The following MED15 variants were observed in gnomAD, a reference collection of about 807,000 sequenced individuals.
MED15 encodes mediator complex subunit 15, also known as mediator of RNA polymerase II transcription subunit 15.
Under a neutral mutation model 118.7 loss-of-function variants are expected in MED15, and 41 were observed. That is an observed-to-expected ratio of 0.35 (90% confidence interval 0.27 to 0.45). The LOEUF (loss-of-function observed/expected upper bound fraction) is 0.45, where lower values mean the gene tolerates loss of function less well. Ranked by LOEUF, MED15 falls within the 20% of genes least tolerant of loss-of-function variation. The pLI is 1.00. For synonymous variants in MED15, 436 were observed against 413.9 expected (o/e 1.05, Z -0.65); for missense variants, 740 against 1,025.5 (o/e 0.72, Z 3.80).
In MED15 at chr22:20,576,106, C is replaced by T. The variant is rs140897320; in HGVS notation, c.1272+874C>T. On this transcript the variant is annotated intron_variant, in intron 9 of 17. Transcript: ENST00000263205. ...CTCCATGGCATAGTCATTTTTTTAA[C>T]AAATAGTTACCACATGCATTCTGTG... Among the ~76,000 whole-genome samples, 253 of 152,312 alleles carry T rather than the reference C, an allele frequency of 1.7e-3. 1 individual carries two copies. Among genetic ancestry groups the T allele is most frequent in the African/African-American group, 5.7e-3 (237 of 41,558 alleles).
chr22:20,582,553 T>A, intron 9 of MED15, 58 bp from the exon 10 acceptor site: 1 of 1,534,884 alleles, frequency 6.5e-7, no homozygotes. Context: ...GGGCAGGTGG[T>A]GTGGAGGCAG....
rs118162987 is a variant in MED15, at chr22:20,574,661, C to T, written c.1153-452C>T. The T allele has an allele frequency of 1.6e-3, 253 of 157,656 alleles. 2 individuals are homozygous for T. The East Asian group carries it at 0.037, about 23-fold the overall frequency. 9.8% of individuals were successfully genotyped at this position (157,656 alleles called of 1,614,324 possible). ...TGCTGTGAGCAGGCTTAACTGAGCT[C>T]ATGGTTCAGTGGGAGTTGAGTGTTC... On this transcript the variant is annotated intron_variant, in intron 8 of 17. Coordinates refer to ENST00000263205, the MANE Select transcript of MED15 (RefSeq NM_001003891.3).
intron 8 of MED15, among the ~76,000 whole-genome samples, chr22:20,569,871 TG>T (rs1401752333): frequency 6.6e-6 from 1 of 152,038 alleles, no homozygotes; most frequent in African/African-American, 2.4e-5. Flanking sequence ...TCAGGCCTCG[TG>T]GGGGGGCTCC....
At chr22:20,509,730 T>C (rs1018422448) in intron 1 of MED15, among the ~76,000 whole-genome samples, 1 of 152,068 alleles carries the variant, frequency 6.6e-6, no homozygotes, top group Non-Finnish European at 1.5e-5. Context: ...TCTGGGGATA[T>C]TGCACAATCA....
rs778570724 is a variant in MED15 at position 20,586,717 on chromosome 22, G to T, written c.*13G>T. ...CTCAGCCGCCTAGCCAAGACTGCAGGGATGGCCCGCAGCCTCATCGGGGCC... is the reference window on the plus strand; with the variant it reads ...CTCAGCCGCCTAGCCAAGACTGCAGTGATGGCCCGCAGCCTCATCGGGGCC... On this transcript the variant is annotated 3_prime_UTR_variant, in exon 18 of 18. Coordinates refer to ENST00000263205, the MANE Select transcript of MED15 (RefSeq NM_001003891.3). 2 of 1,611,836 alleles carry T rather than the reference G, an allele frequency of 1.2e-6. No individual in the cohort carries two copies. The highest frequency in any genetic ancestry group is 1.7e-5 in the Admixed American group (1 of 60,008).
At position 20,582,755 on chromosome 22, in the gene MED15, T is replaced by C. The variant is rs950969888; in HGVS notation, c.1409+8T>C. Reference sequence around the variant, plus strand: ...GCCCAACTCCAACGTCAGGTAGGCCTGGCCTGGGGTGCCCCTCCCCACCTG... The same window carrying C: ...GCCCAACTCCAACGTCAGGTAGGCCCGGCCTGGGGTGCCCCTCCCCACCTG... On this transcript the variant is annotated splice_region_variant and intron_variant, in intron 10 of 17. Coordinates refer to ENST00000263205, the MANE Select transcript of MED15 (RefSeq NM_001003891.3). 1 of 1,565,006 alleles carries C rather than the reference T, an allele frequency of 6.4e-7. No individual in the cohort carries two copies. Among genetic ancestry groups the C allele is most frequent in the Non-Finnish European group, 8.6e-7 (1 of 1,156,532 alleles).
chr22:20,518,739 A>T, intron 1 of MED15: 1 of 372,044 alleles, frequency 2.7e-6, no homozygotes, highest in South Asian at 2.0e-5. Context: ...GCTGGCTTTA[A>T]TTAAAGCCTG....
chr22:20,529,917 T>C (rs1321036792), intron 1 of MED15, among the ~76,000 whole-genome samples: 1 of 152,088 alleles, frequency 6.6e-6, no homozygotes, highest in Non-Finnish European at 1.5e-5. Context: ...AGTAGAGACG[T>C]TTCACCATGT....
intron 1 of MED15, among the ~76,000 whole-genome samples, chr22:20,534,150 T>A (rs180697111): frequency 6.6e-6 from 1 of 152,208 alleles, no homozygotes; most frequent in East Asian, 1.9e-4. Flanking sequence ...CCTGGCCACA[T>A]CTGCCACCCA....
intron 6 of MED15, 54 bp downstream of exon 6, chr22:20,564,742 G>T: frequency 1.9e-6 from 3 of 1,607,598 alleles, no homozygotes; most frequent in Non-Finnish European, 2.6e-6. Flanking sequence ...GTGAGCCCTG[G>T]GCTGGCATCA....
Position 20,587,556 on chromosome 22 carries a change from T to TC in MED15, c.*858dup. On this transcript the variant is annotated 3_prime_UTR_variant, in exon 18 of 18. Transcript: ENST00000263205. The stretch of plus-strand genomic sequence containing the variant: ...GCCAGCACCCTCTGGTGAGAAGAGG[T>TC]CCCCCCTTTTTATGTGCACTACCCC... 1 of 363,406 alleles carries TC rather than the reference T, an allele frequency of 2.8e-6. No individual in the cohort carries two copies. Among genetic ancestry groups the TC allele is most frequent in the African/African-American group, 2.1e-5 (1 of 47,304 alleles). The allele number at this position is 363,406 out of a possible 1,614,324, so 22.5% of individuals were successfully genotyped here.
At chr22:20,575,367 C>G (rs2056793012) in intron 9 of MED15, 135 bp downstream of exon 9, 1 of 1,160,710 alleles carries the variant, frequency 8.6e-7, no homozygotes. Context: ...ACCCACAGTC[C>G]CTTTTTTTTT....
At chr22:20,538,709 C>CGT (rs35881423) in intron 2 of MED15, among the ~76,000 whole-genome samples, 16,456 of 151,278 alleles carry the variant, frequency 0.11, 1,215 homozygotes, top group Non-Finnish European at 0.15. Context: ...TTTGTTTGTG[C>CGT]GTGTGTGTGT....
At chr22:20,540,673 C>G (rs558808189) in intron 2 of MED15, among the ~76,000 whole-genome samples, 159 of 152,270 alleles carry the variant, frequency 1.0e-3, no homozygotes, top group Non-Finnish European at 1.7e-3. Flanking sequence ...CGTACATCTT[C>G]ATGACCTTGG....
chr22:20,568,545 C>CA lies in MED15; in HGVS notation c.1067dup (p.Pro357AlafsTer123). ...GGTCCGAGCTCCGATGGTGGTGCAGCAGCCCCCAGTGCAGCCCCAGGTGCA... is the reference window on the plus strand; with the variant it reads ...GGTCCGAGCTCCGATGGTGGTGCAGCAAGCCCCCAGTGCAGCCCCAGGTGCA... On this transcript the variant is annotated frameshift_variant, in exon 8 of 18. Coordinates refer to ENST00000263205, the MANE Select transcript of MED15 (RefSeq NM_001003891.3). LOFTEE classifies it high-confidence loss of function. The CA allele has an allele frequency of 6.2e-7, 1 of 1,613,820 alleles. No homozygotes were observed. The highest frequency in any genetic ancestry group is 8.5e-7 in the Non-Finnish European group (1 of 1,180,008).
At chr22:20,558,452 G>A (rs1012003956) in intron 5 of MED15, among the ~76,000 whole-genome samples, 1 of 152,154 alleles carries the variant, frequency 6.6e-6, no homozygotes, top group African/African-American at 2.4e-5. Flanking sequence ...TATGGCTGGG[G>A]CTGCAGTACA....
chr22:20,538,156 A>G (rs2055152485), intron 2 of MED15, among the ~76,000 whole-genome samples: 1 of 152,246 alleles, frequency 6.6e-6, no homozygotes, highest in Non-Finnish European at 1.5e-5. Context: ...TGTGTTGCCC[A>G]GGCTGGTTTC....
At position 20,585,741 on chromosome 22, in the gene MED15, C is replaced by G. The variant is rs1203456576; in HGVS notation, c.2145C>G (p.Leu715=). 6 of 1,613,312 alleles carry G rather than the reference C, an allele frequency of 3.7e-6. No homozygotes were observed. Among genetic ancestry groups the G allele is most frequent in the Non-Finnish European group, 8.5e-7 (1 of 1,179,980 alleles). The change falls in exon 17 of 18, where the codon CTC becomes CTG. Residue 715 remains leucine, a synonymous_variant. Coordinates refer to ENST00000263205, the MANE Select transcript of MED15 (RefSeq NM_001003891.3). ...HLICKLDDKD[L]PSVPPLELSV... is the part of the protein sequence containing the mutation. ...TCTGTGTTGCAGATGACAAGGACCT[C>G]CCAAGTGTGCCACCACTGGAGCTCA...
intron 1 of MED15, among the ~76,000 whole-genome samples, chr22:20,519,200 AG>A (rs1251923169): frequency 6.6e-6 from 1 of 152,064 alleles, no homozygotes; most frequent in East Asian, 1.9e-4. Flanking sequence ...TAGAGAACAG[AG>A]GGGAATAGAA....
Sources: gnomAD v4.1 joint callset for allele counts (sites outside exome capture counted in the v4.1 genomes callset) on GRCh38, gnomAD v4.1.1 for gene constraint, MANE v1.5 for transcripts, NCBI Gene and HGNC (gene_info 2026-07-23, HGNC 2026-07-21) for gene names.